PTPRD: variants seen among roughly 807,000 people sequenced by gnomAD.
PTPRD encodes protein tyrosine phosphatase receptor type D.
Under a neutral mutation model 214.5 loss-of-function variants are expected in PTPRD, and 34 were observed. The ratio of observed to expected loss-of-function variants is 0.16; its 90% CI spans 0.12 to 0.21. The LOEUF (loss-of-function observed/expected upper bound fraction) is 0.21. Among genes scored for constraint, PTPRD ranks in the 10% least tolerant of loss-of-function variants. PTPRD has a pLI of 1.00. For missense variants in PTPRD, 2,545 were observed against 2,398.7 expected, an observed-to-expected ratio of 1.06 and a Z score of -1.27; for synonymous variants, 1,128 against 845.7, an observed-to-expected ratio of 1.33 and a Z score of -5.79.
intron 3 of PTPRD, among the ~76,000 whole-genome samples, chr9:10,215,021 T>C (rs1318773943): frequency 6.6e-6 from 1 of 152,036 alleles, no homozygotes; most frequent in Non-Finnish European, 1.5e-5. Context: ...CATTGGACAA[T>C]GAAGTAGAAG....
At chr9:10,552,604 G>C (rs1322305) in intron 2 of PTPRD, among the ~76,000 whole-genome samples, 28,367 of 152,074 alleles carry the variant, frequency 0.19, 3,030 homozygotes, top group Admixed American at 0.27. Context: ...GTGGACGCTA[G>C]ATCAACCAAT....
intron 4 of PTPRD, among the ~76,000 whole-genome samples, chr9:10,031,641 T>TACACACAC (rs1332974172): frequency 2.7e-5 from 2 of 74,176 alleles, no homozygotes; most frequent in African/African-American, 2.0e-4. Flanking sequence ...TATATATATA[T>TACACACAC]ATATATACAC....
intron 12 of PTPRD, among the ~76,000 whole-genome samples, chr9:8,670,775 C>T (rs1371060358): frequency 6.6e-6 from 1 of 152,116 alleles, no homozygotes; most frequent in African/African-American, 2.4e-5. Flanking sequence ...AGAACTAAGA[C>T]TAGGGGTGTG....
At chr9:9,874,221 G>C (rs533559097) in intron 5 of PTPRD, among the ~76,000 whole-genome samples, 2 of 152,126 alleles carry the variant, frequency 1.3e-5, no homozygotes, top group African/African-American at 4.8e-5. Flanking sequence ...ACAGGAGGCC[G>C]AAGACGAGAG....
At chr9:9,557,777 C>T (rs1322703001) in intron 8 of PTPRD, among the ~76,000 whole-genome samples, 3 of 152,152 alleles carry the variant, frequency 2.0e-5, no homozygotes, top group Non-Finnish European at 4.4e-5. Context: ...TTCAAGTTGT[C>T]CCATGTGTCA....
At chr9:8,545,371 A>G (rs1289226147) in intron 14 of PTPRD, among the ~76,000 whole-genome samples, 1 of 152,172 alleles carries the variant, frequency 6.6e-6, no homozygotes, top group African/African-American at 2.4e-5. Flanking sequence ...GGACTCCAGG[A>G]TCCCTAAGTT....
At chr9:8,562,819 AT>A (rs1438953654) in intron 14 of PTPRD, among the ~76,000 whole-genome samples, 1 of 148,852 alleles carries the variant, frequency 6.7e-6, no homozygotes, top group Non-Finnish European at 1.5e-5. Context: ...GCTGAAAAAC[AT>A]TTCCTAATCC....
At chr9:9,595,003 G>A (rs1002486756) in intron 7 of PTPRD, among the ~76,000 whole-genome samples, 2 of 151,812 alleles carry the variant, frequency 1.3e-5, no homozygotes, top group Non-Finnish European at 2.9e-5. Context: ...CATCACTAAT[G>A]ATTAGGGGAA....
intron 11 of PTPRD, among the ~76,000 whole-genome samples, chr9:8,742,146 T>C (rs1309748352): frequency 6.6e-6 from 1 of 152,158 alleles, no homozygotes; most frequent in Non-Finnish European, 1.5e-5. Flanking sequence ...AATATGTCAG[T>C]CAAGCTTTAA....
chr9:9,776,648 A>G (rs2098800728), intron 5 of PTPRD, among the ~76,000 whole-genome samples: 1 of 152,222 alleles, frequency 6.6e-6, no homozygotes, highest in Non-Finnish European at 1.5e-5. Flanking sequence ...AAAAAAGAAC[A>G]TGCTAGTTTA....
At chr9:10,535,903 A>G (rs2057670476) in intron 2 of PTPRD, among the ~76,000 whole-genome samples, 1 of 152,282 alleles carries the variant, frequency 6.6e-6, no homozygotes. Context: ...GAAAGCAGAC[A>G]TAGGTTTCAC....
At chr9:9,402,571 T>G (rs961970229) in intron 8 of PTPRD, among the ~76,000 whole-genome samples, 1 of 152,054 alleles carries the variant, frequency 6.6e-6, no homozygotes, top group African/African-American at 2.4e-5. Flanking sequence ...TCCATAGTTA[T>G]AAAACACATG....
intron 11 of PTPRD, among the ~76,000 whole-genome samples, chr9:8,762,574 C>G (rs1178134183): frequency 6.6e-6 from 1 of 152,062 alleles, no homozygotes; most frequent in African/African-American, 2.4e-5. Context: ...ACAAACTAAC[C>G]TATCATGTCA....
At chr9:8,575,425 G>A (rs1420270773) in intron 14 of PTPRD, among the ~76,000 whole-genome samples, 4 of 151,974 alleles carry the variant, frequency 2.6e-5, no homozygotes, top group Non-Finnish European at 5.9e-5. Flanking sequence ...TGTACGGAGT[G>A]GCCAATGTAC....
intron 11 of PTPRD, among the ~76,000 whole-genome samples, chr9:8,991,969 G>A (rs2099370460): frequency 6.6e-6 from 1 of 152,028 alleles, no homozygotes; most frequent in South Asian, 2.1e-4. Flanking sequence ...GAATTGTGGT[G>A]TTCAGAATGA....
intron 7 of PTPRD, among the ~76,000 whole-genome samples, chr9:9,657,863 G>A (rs1204417680): frequency 2.0e-5 from 3 of 152,132 alleles, no homozygotes; most frequent in Non-Finnish European, 4.4e-5. Flanking sequence ...TAAGTACCTA[G>A]TTGAGGAGTG....
intron 2 of PTPRD, among the ~76,000 whole-genome samples, chr9:10,400,318 G>A (rs1587293527): frequency 6.6e-6 from 1 of 151,780 alleles, no homozygotes; most frequent in South Asian, 2.1e-4. Context: ...AATTATTAAT[G>A]TGGTTATTAT....
chr9:10,418,437 C>T (rs552563824), intron 2 of PTPRD, among the ~76,000 whole-genome samples: 146 of 140,148 alleles, frequency 1.0e-3, no homozygotes, highest in Non-Finnish European at 1.8e-3. Context: ...AAAATGAAGC[C>T]TTCCCCTCTA....
At chr9:10,146,901 G>C (rs2099026479) in intron 3 of PTPRD, among the ~76,000 whole-genome samples, 1 of 152,150 alleles carries the variant, frequency 6.6e-6, no homozygotes, top group African/African-American at 2.4e-5. Context: ...ATTTGGGGAA[G>C]CTCAATAGGG....
Sources: gnomAD v4.1 joint callset for allele counts (sites outside exome capture counted in the v4.1 genomes callset) on GRCh38, gnomAD v4.1.1 for gene constraint, MANE v1.5 for transcripts, NCBI Gene and HGNC (gene_info 2026-07-23, HGNC 2026-07-21) for gene names.